INTS10: variants seen among roughly 807,000 people sequenced by gnomAD.
INTS10 encodes integrator complex subunit 10, also known as chromosome 8 open reading frame 35.
Under a neutral mutation model 94.4 loss-of-function variants are expected in INTS10, and 44 were observed. The ratio of observed to expected loss-of-function variants is 0.47; its 90% CI spans 0.37 to 0.60. INTS10 has a LOEUF of 0.60. Among genes scored for constraint, INTS10 ranks in the 20% least tolerant of loss-of-function variants. INTS10 has a pLI of 0.00. For synonymous variants in INTS10, 341 were observed against 320.7 expected (o/e 1.06, Z -0.68); for missense variants, 797 against 868.7 (o/e 0.92, Z 1.04).
intron 9 of INTS10, among the ~76,000 whole-genome samples, chr8:19,829,675 TTTG>T (rs929710707): frequency 1.3e-5 from 2 of 152,096 alleles, no homozygotes; most frequent in Non-Finnish European, 1.5e-5. Context: ...AGGCTTTAAT[TTTG>T]TTGTTGTTGA....
Position 19,843,959 on chromosome 8 carries a change from T to C in INTS10, c.1720-117T>C. The C allele has an allele frequency of 4.2e-6, 3 of 713,832 alleles. No homozygotes were observed. The highest frequency in any genetic ancestry group is 4.6e-6 in the Non-Finnish European group (2 of 437,190). 44.2% of individuals were successfully genotyped at this position (713,832 alleles called of 1,614,324 possible). A position where few individuals can be genotyped will look rare whatever the true frequency, so the allele number is the denominator to read the frequency against. On this transcript the variant is annotated intron_variant, in intron 14 of 16. Coordinates refer to ENST00000397977, the MANE Select transcript of INTS10 (RefSeq NM_018142.4). This position sits in a 1 kb window ranked among gnomAD's most constrained non-coding sequence, Gnocchi z 4.7. ...TGCCTTTGTTTCCTTCTTACTCTAA[T>C]GACGTTTATCACACATTTGCATATA...
intron 3 of INTS10, 42 bp from the exon 4 acceptor site, chr8:19,820,337 T>A: frequency 1.3e-6 from 2 of 1,580,212 alleles, no homozygotes; most frequent in Admixed American, 3.5e-5. Flanking sequence ...CAGTCTTTTC[T>A]GTCCGCAAGA....
rs1420660638 is a variant in INTS10 at position 19,851,649 on chromosome 8, G to C, written c.1977G>C (p.Lys659Asn). The change falls in exon 17 of 17, where the codon AAG becomes AAC. Residue 659 changes from lysine to asparagine, a missense_variant and splice_region_variant. Coordinates refer to ENST00000397977, the MANE Select transcript of INTS10 (RefSeq NM_018142.4). The surrounding 1 kb of genome is among the most constrained non-coding windows in gnomAD (Gnocchi z 5.0). ...TCTGTTTCCCTATTGCTGACCTCAG[G>C]CACCACACTGTAACTCGAGGCATCA... is the stretch of plus-strand genomic sequence containing the variant. ...ELLPNQGMLI[K>N]HHTVTRGITK... 2 of 1,614,128 alleles carry C rather than the reference G, an allele frequency of 1.2e-6. No homozygotes were observed. Among genetic ancestry groups the C allele is most frequent in the South Asian group, 1.1e-5 (1 of 91,072 alleles).
In INTS10 at chr8:19,826,490, T is replaced by C. The variant is rs2066803833; in HGVS notation, c.1071T>C (p.Asp357=). ...AAGATGTATCGAATGTGTATGGTGA[T>C]GTAGAAATTGATCGTAATAAACACA... ...LLEDVSNVYG[D]VEIDRNKHIH... The change falls in exon 9 of 17, where the codon GAT becomes GAC. Residue 357 remains aspartate (D), a synonymous_variant. Coordinates refer to ENST00000397977, the MANE Select transcript of INTS10 (RefSeq NM_018142.4). 3 of 1,613,024 alleles carry C rather than the reference T, an allele frequency of 1.9e-6. No individual in the cohort carries two copies. Among genetic ancestry groups the C allele is most frequent in the South Asian group, 2.2e-5 (2 of 90,750 alleles).
At chr8:19,819,759 G>T (rs749548490) in intron 3 of INTS10, 83 bp downstream of exon 3, 13 of 980,918 alleles carry the variant, frequency 1.3e-5, no homozygotes, top group Non-Finnish European at 2.1e-5. Flanking sequence ...GTCACACCTG[G>T]GGTATTGGTA....
chr8:19,829,947 C>T (rs1028067087), intron 9 of INTS10, among the ~76,000 whole-genome samples: 1 of 152,162 alleles, frequency 6.6e-6, no homozygotes, highest in South Asian at 2.1e-4. Flanking sequence ...GGAATATAGG[C>T]ATAAGCTGCC....
At chr8:19,839,721 C>T (rs1233955619) in intron 13 of INTS10, among the ~76,000 whole-genome samples, 1 of 150,958 alleles carries the variant, frequency 6.6e-6, no homozygotes, top group African/African-American at 2.4e-5. Flanking sequence ...AACAAAAAAC[C>T]CAACACAGTT....
intron 9 of INTS10, among the ~76,000 whole-genome samples, chr8:19,828,138 G>A (rs2128768592): frequency 6.6e-6 from 1 of 152,240 alleles, no homozygotes; most frequent in African/African-American, 2.4e-5. Flanking sequence ...TTGAGCTCAG[G>A]AGTTCAAGGT....
At chr8:19,822,555 T>C in intron 5 of INTS10, 35 bp downstream of exon 5, 1 of 1,266,942 alleles carries the variant, frequency 7.9e-7, no homozygotes, top group Non-Finnish European at 1.1e-6. Flanking sequence ...ACTTCTATGG[T>C]AAATTAATAT....
chr8:19,825,917 C>G (rs113322737), intron 8 of INTS10, among the ~76,000 whole-genome samples: 70 of 152,220 alleles, frequency 4.6e-4, no homozygotes, highest in African/African-American at 1.7e-3. Flanking sequence ...GAATCTTTAA[C>G]AATTTGGTAT....
intron 13 of INTS10, among the ~76,000 whole-genome samples, chr8:19,839,582 C>T (rs545403418): frequency 6.6e-6 from 1 of 152,012 alleles, no homozygotes; most frequent in Non-Finnish European, 1.5e-5. Flanking sequence ...ACCTGTAGTT[C>T]CAGCTATCTA....
At chr8:19,839,977 C>T (rs889294083) in intron 13 of INTS10, among the ~76,000 whole-genome samples, 2 of 141,734 alleles carry the variant, frequency 1.4e-5, no homozygotes, top group African/African-American at 5.2e-5. Flanking sequence ...GTGGGAGAAT[C>T]ACTTGAATCT....
intron 1 of INTS10, 60 bp downstream of exon 1, chr8:19,817,726 G>A: frequency 1.3e-6 from 2 of 1,550,772 alleles, no homozygotes; most frequent in Non-Finnish European, 1.7e-6. Context: ...CCGTCGCCCG[G>A]GCTGCCCTGG....
At chr8:19,832,370 G>A (rs1240196888) in intron 11 of INTS10, among the ~76,000 whole-genome samples, 1 of 151,998 alleles carries the variant, frequency 6.6e-6, no homozygotes, top group Non-Finnish European at 1.5e-5. Context: ...CCAGGAGTTC[G>A]AGACTAGCCC....
intron 13 of INTS10, among the ~76,000 whole-genome samples, chr8:19,839,150 A>G (rs893681788): frequency 2.6e-5 from 4 of 152,214 alleles, no homozygotes; most frequent in African/African-American, 9.7e-5. Flanking sequence ...TGACTGTCTT[A>G]GTAGATGCAT....
chr8:19,845,865 G>GTAAATGTCTA (rs1477371157), intron 16 of INTS10, 68 bp downstream of exon 16: 67 of 1,088,952 alleles, frequency 6.2e-5, no homozygotes, highest in Non-Finnish European at 8.7e-5. Context: ...TGAAGTATTT[G>GTAAATGTCTA]TAAATGTCTA....
At chr8:19,841,729 C>G (rs1016635986) in intron 13 of INTS10, 3 of 429,628 alleles carry the variant, frequency 7.0e-6, no homozygotes, top group Non-Finnish European at 1.4e-5. Context: ...TTCCCATGAC[C>G]AAGTTGAACA....
intron 8 of INTS10, among the ~76,000 whole-genome samples, chr8:19,826,078 A>T (rs560310968): frequency 8.6e-4 from 131 of 151,914 alleles, no homozygotes; most frequent in African/African-American, 3.0e-3. Context: ...GCATTTTTAA[A>T]TTTTTTTTAA....
intron 14 of INTS10, 26 bp from the exon 15 acceptor site, chr8:19,844,050 G>A: frequency 6.4e-7 from 1 of 1,555,616 alleles, no homozygotes. Flanking sequence ...TTTTCCTTCT[G>A]TCTTGTATAA....
Sources: gnomAD v4.1 joint callset for allele counts (sites outside exome capture counted in the v4.1 genomes callset) on GRCh38, gnomAD v4.1.1 for gene constraint, Gnocchi (gnomAD v3.1) non-coding constraint, MANE v1.5 for transcripts, NCBI Gene and HGNC (gene_info 2026-07-23, HGNC 2026-07-21) for gene names.